TENM1: variants seen among roughly 807,000 people sequenced by gnomAD.
The protein encoded by TENM1 is teneurin-1.
A neutral mutation model predicts 174.8 loss-of-function variants in TENM1; 35 were observed. That is an observed-to-expected ratio of 0.20 (90% CI 0.15 to 0.27). TENM1 has a LOEUF of 0.27. TENM1 is among the 10% of genes least tolerant of loss of function. TENM1 has a pLI of 1.00. For synonymous variants in TENM1, 781 were observed against 798.7 expected, an observed-to-expected ratio of 0.98 and a Z score of 0.37; for missense variants, 1,633 against 2,130.1, an observed-to-expected ratio of 0.77 and a Z score of 4.59.
At chrX:124,669,712 A>G (rs774261487) in intron 6 of TENM1, among the ~76,000 whole-genome samples, 9 of 111,882 alleles carry the variant, frequency 8.0e-5, no homozygotes, top group Non-Finnish European at 1.7e-4. Context: ...GCATCAACCC[A>G]TAATGATTTT....
intron 5 of TENM1, among the ~76,000 whole-genome samples, chrX:124,681,771 C>T (rs191576384): frequency 5.4e-5 from 6 of 111,739 alleles, no homozygotes; most frequent in African/African-American, 1.9e-4. Context: ...ACAACATCTG[C>T]ATAAGGTTGT....
intron 3 of TENM1, among the ~76,000 whole-genome samples, chrX:124,767,104 T>C (rs2054553535): frequency 9.0e-6 from 1 of 111,541 alleles, no homozygotes; most frequent in South Asian, 3.8e-4. Flanking sequence ...CTACTCTGCA[T>C]AAGCCACGCA....
chrX:124,765,057 C>T (rs2054510980), intron 3 of TENM1, among the ~76,000 whole-genome samples: 1 of 111,552 alleles, frequency 9.0e-6, no homozygotes, highest in African/African-American at 3.3e-5. Context: ...CTTCTGACCA[C>T]CTATAGCACT....
chrX:124,999,881 G>A, the TENM1 span, among the ~76,000 whole-genome samples: 6 of 111,593 alleles, frequency 5.4e-5, no homozygotes, highest in Non-Finnish European at 1.1e-4. Context: ...ACTGAAAAGG[G>A]CCATCAGCAG....
At chrX:124,379,524 T>G (rs748288922) in exon 32 of TENM1, 1 of 112,188 alleles carries the variant, frequency 8.9e-6, no homozygotes, top group Non-Finnish European at 1.9e-5. Context: ...AGGTTTTGGC[T>G]CTTATGAATT....
At chrX:125,112,020 T>C in the TENM1 span, among the ~76,000 whole-genome samples, 5 of 111,034 alleles carry the variant, frequency 4.5e-5, no homozygotes, top group Non-Finnish European at 7.6e-5. Context: ...TTTACCCCTA[T>C]TATGCAATTT....
At chrX:124,396,501 G>A (rs375085509) in intron 27 of TENM1, among the ~76,000 whole-genome samples, 7 of 109,185 alleles carry the variant, frequency 6.4e-5, no homozygotes, top group East Asian at 2.9e-4. Flanking sequence ...ACAGGGTTTC[G>A]CCATGTTGGC....
At chrX:124,739,035 T>C (rs980077641) in intron 3 of TENM1, among the ~76,000 whole-genome samples, 1 of 111,870 alleles carries the variant, frequency 8.9e-6, no homozygotes, top group African/African-American at 3.3e-5. Flanking sequence ...TACGTCTGCT[T>C]TTCTCTTTGA....
At chrX:124,917,004 T>G (rs927435611) in intron 1 of TENM1, among the ~76,000 whole-genome samples, 33 of 112,143 alleles carry the variant, frequency 2.9e-4, no homozygotes, top group African/African-American at 1.0e-3. Context: ...CTGTCCCCAC[T>G]GATTAGTCCA....
intron 3 of TENM1, among the ~76,000 whole-genome samples, chrX:124,816,906 T>C (rs1323241906): frequency 9.0e-6 from 1 of 111,061 alleles, no homozygotes; most frequent in Non-Finnish European, 1.9e-5. Flanking sequence ...AAAAAAATTA[T>C]ACTTTAAGTT....
At chrX:124,634,322 A>T (rs2050827371) in intron 11 of TENM1, among the ~76,000 whole-genome samples, 1 of 111,407 alleles carries the variant, frequency 9.0e-6, no homozygotes, top group Non-Finnish European at 1.9e-5. Flanking sequence ...ACTAATAGAA[A>T]CTTTTTTTTT....
intron 3 of TENM1, among the ~76,000 whole-genome samples, chrX:124,822,819 C>T (rs2056069675): frequency 1.8e-5 from 2 of 111,881 alleles, no homozygotes; most frequent in African/African-American, 6.5e-5. Context: ...AGCAAGCACA[C>T]ATTTGTCATG....
chrX:124,753,127 A>G (rs1467858297), intron 3 of TENM1, among the ~76,000 whole-genome samples: 4 of 109,244 alleles, frequency 3.7e-5, no homozygotes, highest in African/African-American at 1.3e-4. Flanking sequence ...TGAGCATGGA[A>G]TGTTCTTCCA....
chrX:124,377,292 T>C (rs2060114330), exon 32 of TENM1: 1 of 111,088 alleles, frequency 9.0e-6, no homozygotes. Flanking sequence ...TTTCATACAT[T>C]TGGCTATGTT....
chrX:124,400,708 G>T (rs953406036), intron 27 of TENM1, among the ~76,000 whole-genome samples: 1 of 112,081 alleles, frequency 8.9e-6, no homozygotes, highest in Non-Finnish European at 1.9e-5. Context: ...TCATATGACA[G>T]CATTGTTATC....
chrX:124,487,145 T>C, intron 21 of TENM1, 64 bp downstream of exon 24: 1 of 1,059,754 alleles, frequency 9.4e-7, no homozygotes, highest in East Asian at 3.3e-5. Flanking sequence ...TATTAACACA[T>C]TATCAGGAGG....
chrX:124,690,484 AGTGTGTGTGTGTGTGTGTGTGTGTGT>A (rs58386633), intron 5 of TENM1, among the ~76,000 whole-genome samples: 2 of 93,485 alleles, frequency 2.1e-5, no homozygotes, highest in Non-Finnish European at 4.3e-5. Flanking sequence ...GCTTTGTTAG[AGTGTGTGTGTGTGTGTGTGTGTGTGT>A]GTGTGTGTGT....
At chrX:124,792,408 T>C (rs188435881) in intron 3 of TENM1, among the ~76,000 whole-genome samples, 1 of 111,716 alleles carries the variant, frequency 9.0e-6, no homozygotes, top group African/African-American at 3.2e-5. Flanking sequence ...CTCACATTCA[T>C]CCGAAGTATT....
chrX:125,051,417 G>T, the TENM1 span, among the ~76,000 whole-genome samples: 2 of 110,109 alleles, frequency 1.8e-5, no homozygotes, highest in African/African-American at 3.3e-5. Flanking sequence ...CAAAGCTGGA[G>T]GCATCACGCT....
Sources: allele counts gnomAD v4.1 joint callset (sites outside exome capture counted in the v4.1 genomes callset), GRCh38; gene constraint gnomAD v4.1.1; transcripts MANE v1.5; gene names NCBI Gene and HGNC (gene_info 2026-07-23, HGNC 2026-07-21).